Variants in METTL15 observed in about 807,000 individuals in gnomAD.
The protein encoded by METTL15 is 12S rRNA N(4)-cytidine methyltransferase METTL15.
A neutral mutation model predicts 38.3 loss-of-function variants in METTL15; 34 were observed. That is an observed-to-expected ratio of 0.89 (90% confidence interval 0.68 to 1.18). The LOEUF is 1.18. METTL15 is among the 50% of genes most tolerant of loss of function. The probability of loss-of-function intolerance (pLI) is 0.00; values close to 1 mark genes in which losing one functional copy is unlikely to be tolerated. For synonymous variants in METTL15, 162 were observed against 170.9 expected, an observed-to-expected ratio of 0.95 and a Z score of 0.41; for missense variants, 438 against 498.4, an observed-to-expected ratio of 0.88 and a Z score of 1.15.
intron 4 of METTL15, among the ~76,000 whole-genome samples, chr11:28,357,636 C>A (rs1487632161): frequency 1.3e-5 from 2 of 152,192 alleles, no homozygotes; most frequent in Middle Eastern, 3.2e-3. Flanking sequence ...GTGCCTGACT[C>A]ATGGTAAGTG....
chr11:28,259,567 A>G (rs1855114352), intron 4 of METTL15, among the ~76,000 whole-genome samples: 1 of 152,180 alleles, frequency 6.6e-6, no homozygotes, highest in African/African-American at 2.4e-5. Context: ...TGACCTGGCT[A>G]TAGCTGGTTT....
At chr11:28,397,147 A>G (rs1433227113) in intron 5 of METTL15, among the ~76,000 whole-genome samples, 1 of 152,114 alleles carries the variant, frequency 6.6e-6, no homozygotes, top group Non-Finnish European at 1.5e-5. Flanking sequence ...CCTAGAAGAA[A>G]ACCTAGGCAA....
At chr11:28,426,194 C>T (rs138451513) in intron 6 of METTL15, among the ~76,000 whole-genome samples, 5,662 of 152,120 alleles carry the variant, frequency 0.037, 353 homozygotes, top group African/African-American at 0.13. Flanking sequence ...TGAGAACATG[C>T]GGTATTTGGT....
At chr11:28,243,049 G>A (rs1384246825) in intron 4 of METTL15, among the ~76,000 whole-genome samples, 1 of 150,760 alleles carries the variant, frequency 6.6e-6, no homozygotes, top group Non-Finnish European at 1.5e-5. Flanking sequence ...CTTATTGAGG[G>A]AAAAATATAA....
intron 3 of METTL15, among the ~76,000 whole-genome samples, chr11:28,113,922 G>A (rs903255642): frequency 6.6e-6 from 1 of 152,168 alleles, no homozygotes; most frequent in African/African-American, 2.4e-5. Flanking sequence ...GCATGTTTAA[G>A]GTAGGTTAGA....
intron 3 of METTL15, among the ~76,000 whole-genome samples, chr11:28,348,314 T>G (rs1235193891): frequency 6.6e-6 from 1 of 152,188 alleles, no homozygotes; most frequent in African/African-American, 2.4e-5. Flanking sequence ...CCTTCCACAT[T>G]TATTGGAAGC....
At chr11:28,373,783 G>T (rs1850273455) in intron 5 of METTL15, among the ~76,000 whole-genome samples, 3 of 152,168 alleles carry the variant, frequency 2.0e-5, no homozygotes, top group East Asian at 1.9e-4. Context: ...TTCTTCTAGG[G>T]TTTTTCTGGT....
intron 3 of METTL15, among the ~76,000 whole-genome samples, chr11:28,129,748 T>A (rs1487618838): frequency 6.6e-6 from 1 of 152,210 alleles, no homozygotes; most frequent in African/African-American, 2.4e-5. Context: ...AAAAGAACTT[T>A]AAAAAGTTGA....
At chr11:28,135,471 A>G (rs1422255754) in intron 3 of METTL15, among the ~76,000 whole-genome samples, 2 of 152,158 alleles carry the variant, frequency 1.3e-5, no homozygotes, top group Non-Finnish European at 2.9e-5. Context: ...GATATTCTTT[A>G]CTCACCACAG....
At chr11:28,379,934 C>T (rs1379439938) in intron 5 of METTL15, among the ~76,000 whole-genome samples, 1 of 151,988 alleles carries the variant, frequency 6.6e-6, no homozygotes, top group South Asian at 2.1e-4. Flanking sequence ...TATTCTCTTG[C>T]AGAATTGGCT....
At chr11:28,335,132 TATGCTTTGAGCA>T (rs1263289960), downstream of METTL15, among the ~76,000 whole-genome samples, 1 of 152,210 alleles carries the variant, frequency 6.6e-6, no homozygotes, top group Non-Finnish European at 1.5e-5. Context: ...ACCCCATCTT[TATGCTTTGAGCA>T]ATAACACTTG....
intron 5 of METTL15, among the ~76,000 whole-genome samples, chr11:28,391,314 CA>C (rs1850504139): frequency 6.6e-6 from 1 of 152,030 alleles, no homozygotes; most frequent in Non-Finnish European, 1.5e-5. Context: ...TGCCAGTTTT[CA>C]AAGGGAATGC....
intron 3 of METTL15, among the ~76,000 whole-genome samples, chr11:28,204,121 A>G (rs1852218999): frequency 6.6e-6 from 1 of 151,994 alleles, no homozygotes; most frequent in Admixed American, 6.6e-5. Context: ...ATTACTTAGC[A>G]CCTACTGTTT....
chr11:28,201,602 C>T (rs894903726), intron 3 of METTL15, among the ~76,000 whole-genome samples: 1 of 2,484 alleles, frequency 4.0e-4, no homozygotes, highest in Non-Finnish European at 1.1e-3. Context: ...CTGGTTTAGT[C>T]TTGGGAGGGT....
intron 3 of METTL15, among the ~76,000 whole-genome samples, chr11:28,178,893 G>C (rs948256380): frequency 1.3e-5 from 2 of 151,452 alleles, no homozygotes; most frequent in Non-Finnish European, 3.0e-5. Context: ...TGATTTTTTT[G>C]ACATCATCAA....
At chr11:28,138,412 T>C (rs1289968678) in intron 3 of METTL15, among the ~76,000 whole-genome samples, 3 of 152,216 alleles carry the variant, frequency 2.0e-5, no homozygotes, top group Admixed American at 6.5e-5. Context: ...ACTTTAGCCA[T>C]GCCAAGTGGC....
intron 6 of METTL15, among the ~76,000 whole-genome samples, chr11:28,455,722 T>A (rs988565813): frequency 6.6e-6 from 1 of 152,216 alleles, no homozygotes; most frequent in Non-Finnish European, 1.5e-5. Flanking sequence ...ATTTTATTTT[T>A]TTGAGACGGA....
At chr11:28,210,612 C>T (rs1852592044) in intron 3 of METTL15, among the ~76,000 whole-genome samples, 1 of 151,898 alleles carries the variant, frequency 6.6e-6, no homozygotes, top group African/African-American at 2.4e-5. Context: ...TTTATTCTCT[C>T]TCTCTGTCTT....
intron 6 of METTL15, among the ~76,000 whole-genome samples, chr11:28,434,648 G>C (rs1415483277): frequency 1.3e-5 from 2 of 152,186 alleles, no homozygotes; most frequent in Non-Finnish European, 2.9e-5. Flanking sequence ...CATCACACAT[G>C]CTGTCTGTAT....
Sources: gnomAD v4.1 joint callset for allele counts (sites outside exome capture counted in the v4.1 genomes callset) on GRCh38, gnomAD v4.1.1 for gene constraint, MANE v1.5 for transcripts, NCBI Gene and HGNC (gene_info 2026-07-23, HGNC 2026-07-21) for gene names.